The following ZNF875 variants were observed in gnomAD, a reference collection of about 807,000 sequenced individuals.
ZNF875 encodes zinc finger protein 875, also known as HKR1, GLI-Kruppel zinc finger family member.
A neutral mutation model predicts 11.2 loss-of-function variants in ZNF875; 14 were observed. That is an observed-to-expected ratio of 1.26 (90% CI 0.83 to 1.96). The LOEUF (loss-of-function observed/expected upper bound fraction) is 1.96. ZNF875 is among the 30% of genes most tolerant of loss of function. The probability of loss-of-function intolerance (pLI) is 0.00; values close to 1 mark genes in which losing one functional copy is unlikely to be tolerated. For missense variants in ZNF875, 752 were observed against 760.4 expected (o/e 0.99, Z 0.13); for synonymous variants, 301 against 281.1 (o/e 1.07, Z -0.71).
chr19:37,347,219 G>A lies in ZNF875; in HGVS notation c.63G>A (p.Val21=). Residue 21 remains valine, a synonymous_variant, in exon 3 of 5, where the codon GTG becomes GTA. Transcript: ENST00000392153. ...TCGTGGCATTCAGGGATGTGGCTGT[G>A]TACTTCACCCAGGAGGAGTGGAGGT... ...EAFVAFRDVA[V]YFTQEEWRLL... 1 of 1,614,142 alleles carries A rather than the reference G, an allele frequency of 6.2e-7. No individual in the cohort carries two copies. Among genetic ancestry groups the A allele is most frequent in the African/African-American group, 1.3e-5 (1 of 75,042 alleles).
upstream of ZNF875, among the ~76,000 whole-genome samples, chr19:37,331,260 G>A (rs1295185989): frequency 9.5e-5 from 11 of 115,358 alleles, no homozygotes; most frequent in Admixed American, 5.9e-4. Flanking sequence ...TGAGAGTCTC[G>A]CTCTTGTTGC....
At chr19:37,321,280 C>G (rs1158123310) in intron 1 of ZNF875, among the ~76,000 whole-genome samples, 1 of 152,166 alleles carries the variant, frequency 6.6e-6, no homozygotes, top group Non-Finnish European at 1.5e-5. Context: ...GCATCTGTCT[C>G]CTGCTCGTCC....
chr19:37,349,807 A>G (rs1568622721), intron 4 of ZNF875, among the ~76,000 whole-genome samples: 2 of 151,844 alleles, frequency 1.3e-5, no homozygotes, highest in Non-Finnish European at 2.9e-5. Flanking sequence ...GGCGTGTGCC[A>G]CCATGCCTGG....
chr19:37,339,176 T>C (rs1223886870), intron 2 of ZNF875, among the ~76,000 whole-genome samples: 1 of 151,924 alleles, frequency 6.6e-6, no homozygotes, highest in Non-Finnish European at 1.5e-5. Flanking sequence ...TTTAATTTAA[T>C]TTTATATGCG....
intron 2 of ZNF875, among the ~76,000 whole-genome samples, chr19:37,340,928 G>A (rs1390878484): frequency 6.6e-6 from 1 of 152,114 alleles, no homozygotes; most frequent in African/African-American, 2.4e-5. Flanking sequence ...GATTACAGGC[G>A]TGAGCCACCG....
chr19:37,362,354 G>A lies in ZNF875; in HGVS notation c.502G>A (p.Val168Ile), dbSNP rs566994735. 48 of 1,614,144 alleles carry A rather than the reference G, an allele frequency of 3.0e-5. No individual in the cohort carries two copies. In the East Asian group the frequency reaches 6.7e-4, roughly 22 times the overall value. ...GEDSRLLFGRVSKNGTSKALS... is the reference protein window; with the variant it reads ...GEDSRLLFGRISKNGTSKALS... The stretch of plus-strand genomic sequence containing the variant: ...AGACTCCAGACTCCTGTTTGGGAGA[G>A]TAAGCAAAAATGGCACTTCAAAGGC... The change falls in exon 5 of 5, where the codon GTA becomes ATA. Residue 168 changes from valine (V) to isoleucine (I), a missense_variant. By Grantham distance (29) the Val-to-Ile change is conservative. Coordinates refer to ENST00000392153, the MANE Select transcript of ZNF875 (RefSeq NM_001353803.2).
chr19:37,332,791 G>T (rs1487425180), upstream of ZNF875, among the ~76,000 whole-genome samples: 1 of 152,138 alleles, frequency 6.6e-6, no homozygotes, highest in African/African-American at 2.4e-5. Context: ...GGCATGACTA[G>T]ATTTTTTCTT....
chr19:37,344,933 GTGTTTAA>G (rs1296085665), intron 2 of ZNF875: 10 of 630,066 alleles, frequency 1.6e-5, no homozygotes, highest in South Asian at 5.2e-5. Context: ...TTTCTCTCCA[GTGTTTAA>G]TGATGAACAG....
intron 2 of ZNF875, chr19:37,344,695 A>G (rs1397307427): frequency 6.2e-7 from 1 of 1,613,986 alleles, no homozygotes; most frequent in South Asian, 1.1e-5. Context: ...ATGAGGGTCA[A>G]CCACACAGTG....
At chr19:37,335,284 G>C in intron 2 of ZNF875, 27 bp downstream of exon 2, 1 of 690,380 alleles carries the variant, frequency 1.4e-6, no homozygotes, top group Non-Finnish European at 2.7e-6. Context: ...ATTCTATCTT[G>C]GCTGTCAACA....
At chr19:37,360,183 C>G (rs2039672325) in intron 4 of ZNF875, among the ~76,000 whole-genome samples, 1 of 152,062 alleles carries the variant, frequency 6.6e-6, no homozygotes, top group Non-Finnish European at 1.5e-5. Flanking sequence ...AAAGAGTATC[C>G]TTCCTCCCAT....
At chr19:37,314,074 G>A (rs2030077219), upstream of ZNF875, among the ~76,000 whole-genome samples, 1 of 151,790 alleles carries the variant, frequency 6.6e-6, no homozygotes, top group African/African-American at 2.4e-5. Flanking sequence ...TTTATATCAA[G>A]TCACGAAGTG....
rs1420450861 is a variant in ZNF875 at position 37,334,697 on chromosome 19, G to C, written c.-142G>C. 2.2e-6 allele frequency: 1 copy of C among 456,082 alleles called. No individual in the cohort carries two copies. The highest frequency in any genetic ancestry group is 4.4e-6 in the Non-Finnish European group (1 of 226,816). 28.3% of individuals were successfully genotyped at this position (456,082 alleles called of 1,614,324 possible). On this transcript the variant is annotated 5_prime_UTR_variant, in exon 1 of 5. Transcript: ENST00000392153. ...CGTTAAGCTGGTTGGGACCCGGGAA[G>C]GCCTCCCTCTTAAGGTCTTTCCCAC...
chr19:37,363,040 C>G lies in ZNF875; in HGVS notation c.1188C>G (p.Cys396Trp). The G allele has an allele frequency of 1.9e-6, 3 of 1,614,168 alleles. No homozygotes were observed. Among genetic ancestry groups the G allele is most frequent in the Non-Finnish European group, 2.5e-6 (3 of 1,180,032 alleles). ...RTHSGEKPYI[C>W]RECEQGFSQK... ...ATTCAGGAGAGAAGCCTTACATTTG[C>G]AGGGAGTGTGAGCAAGGCTTTAGCC... Residue 396 changes from cysteine (C) to tryptophan (W), a missense_variant, in exon 5 of 5, where the codon TGC becomes TGG. By Grantham distance (215) the Cys-to-Trp change is radical (BLOSUM62 -2). Transcript: ENST00000392153.
chr19:37,360,891 G>A (rs563418389), intron 4 of ZNF875, among the ~76,000 whole-genome samples: 1 of 151,756 alleles, frequency 6.6e-6, no homozygotes, highest in Non-Finnish European at 1.5e-5. Context: ...TGTTTTCTCA[G>A]TTTCATTTTT....
At chr19:37,319,344 CATATAT>C (rs146774743) in intron 1 of ZNF875, among the ~76,000 whole-genome samples, 22 of 112,326 alleles carry the variant, frequency 2.0e-4, no homozygotes, top group Admixed American at 5.4e-4. Context: ...CTGCAGCCGG[CATATAT>C]ATATATATAT....
At chr19:37,338,297 G>A (rs1470707638) in intron 2 of ZNF875, among the ~76,000 whole-genome samples, 9 of 152,008 alleles carry the variant, frequency 5.9e-5, no homozygotes, top group African/African-American at 2.2e-4. Context: ...TAATTTTTAT[G>A]TTTTTAGTAG....
At chr19:37,337,412 A>C (rs1036387155) in intron 2 of ZNF875, 1 of 152,174 alleles carries the variant, frequency 6.6e-6, no homozygotes, top group Admixed American at 6.6e-5. Flanking sequence ...AGTCAATGGT[A>C]TGTGGGAAAT....
At chr19:37,333,386 C>T (rs1268239663), upstream of ZNF875, among the ~76,000 whole-genome samples, 4 of 152,072 alleles carry the variant, frequency 2.6e-5, no homozygotes, top group Admixed American at 6.6e-5. Flanking sequence ...AATCTTTGGC[C>T]GGGTCATTTA....
Sources: allele counts gnomAD v4.1 joint callset (sites outside exome capture counted in the v4.1 genomes callset), GRCh38; gene constraint gnomAD v4.1.1; transcripts MANE v1.5; gene names NCBI Gene and HGNC (gene_info 2026-07-23, HGNC 2026-07-21).